TOB2: variants seen among roughly 807,000 people sequenced by gnomAD.
TOB2 encodes protein Tob2.
TOB2 carries 3 observed loss-of-function variants against 17.3 expected under a neutral mutation model. The ratio of observed to expected loss-of-function variants is 0.17; its 90% CI spans 0.08 to 0.45. The LOEUF is 0.45. TOB2 is among the 20% of genes least tolerant of loss of function. The pLI, the probability that TOB2 is intolerant of heterozygous loss-of-function variation, is 0.99. For synonymous variants in TOB2, 163 were observed against 185.6 expected, an observed-to-expected ratio of 0.88 and a Z score of 0.99; for missense variants, 407 against 445.7, an observed-to-expected ratio of 0.91 and a Z score of 0.78.
rs781425124 is a variant in TOB2 at position 41,436,484 on chromosome 22, C to T, written c.862G>A (p.Gly288Ser). 2.5e-6 allele frequency: 4 copies of T among 1,614,004 alleles called. No individual in the cohort carries two copies. In the South Asian group the frequency reaches 4.4e-5, roughly 18 times the overall value. Residue 288 changes from glycine (G) to serine (S), a missense_variant, in exon 2 of 2, where the codon GGC becomes AGC. Gly to Ser is a moderately conservative substitution (Grantham distance 56, BLOSUM62 0). Coordinates refer to ENST00000327492, the MANE Select transcript of TOB2 (RefSeq NM_016272.4). This position sits in a 1 kb window ranked among gnomAD's most constrained non-coding sequence, Gnocchi z 4.8. ...QGSGTPGPFG[G>S]SGAGTCNSSS... is the part of the protein sequence containing the mutation. ...CTGTTGCAGGTGCCAGCCCCACTGCCTCCAAACGGGCCTGGGGTGCCGCTG... is the reference window on the plus strand; with the variant it reads ...CTGTTGCAGGTGCCAGCCCCACTGCTTCCAAACGGGCCTGGGGTGCCGCTG...
intron 1 of TOB2, among the ~76,000 whole-genome samples, chr22:41,442,111 GAAAA>G (rs1399047323): frequency 4.4e-5 from 6 of 135,684 alleles, no homozygotes; most frequent in Admixed American, 2.9e-4. Flanking sequence ...AAAAAAAAAA[GAAAA>G]AAAAGTTGTG....
chr22:41,437,348 T>C lies in TOB2; in HGVS notation c.-3A>G. On this transcript the variant is annotated 5_prime_UTR_variant, in exon 2 of 2. Coordinates refer to ENST00000327492, the MANE Select transcript of TOB2 (RefSeq NM_016272.4). ...GCCACTTTGATCTCTAGCTGCATGG[T>C]CCTTTCCTAGGCAGAGAATCAGCAC... The C allele has an allele frequency of 6.2e-7, 1 of 1,610,312 alleles. No individual in the cohort carries two copies. Among genetic ancestry groups the C allele is most frequent in the Non-Finnish European group, 8.5e-7 (1 of 1,178,366 alleles).
intron 1 of TOB2, among the ~76,000 whole-genome samples, chr22:41,443,110 C>T (rs1294467115): frequency 6.6e-6 from 1 of 152,110 alleles, no homozygotes; most frequent in Non-Finnish European, 1.5e-5. Context: ...AAAGTTAAAC[C>T]TGGATTCTGA....
At position 41,435,263 on chromosome 22, in the gene TOB2, A is replaced by C. The variant is rs5758350; in HGVS notation, c.*1048T>G. ...ACTGCAGATCCTTCCACAGTCTGCAAACCAGTTCCTTCTGCAGTGTTTTCC... is the reference window on the plus strand; with the variant it reads ...ACTGCAGATCCTTCCACAGTCTGCACACCAGTTCCTTCTGCAGTGTTTTCC... On this transcript the variant is annotated 3_prime_UTR_variant, in exon 2 of 2. Coordinates refer to ENST00000327492, the MANE Select transcript of TOB2 (RefSeq NM_016272.4). 0.074 allele frequency: 11,273 copies of C among 152,246 alleles called. 1,270 individuals carry two copies. The highest frequency in any genetic ancestry group is 0.48 in the East Asian group (2,459 of 5,174). 9.4% of individuals were successfully genotyped at this position (152,246 alleles called of 1,614,324 possible).
At position 41,446,677 on chromosome 22, in the gene TOB2, C is replaced by G. The variant is rs2037692645; in HGVS notation, c.-361G>C. ...GCGGATCGGAGGGTGGTTCGTGTCG[C>G]GCAACGGCAGACGGTATGGGCTGTC... On this transcript the variant is annotated 5_prime_UTR_variant, in exon 1 of 2. Coordinates refer to ENST00000327492, the MANE Select transcript of TOB2 (RefSeq NM_016272.4). 1 of 152,466 alleles carries G rather than the reference C, an allele frequency of 6.6e-6. No individual in the cohort carries two copies. The allele number at this position is 152,466 out of a possible 1,614,324, so 9.4% of individuals were successfully genotyped here. A position where few individuals can be genotyped will look rare whatever the true frequency, so the allele number is the denominator to read the frequency against.
chr22:41,443,718 G>C (rs1032731703), intron 1 of TOB2, among the ~76,000 whole-genome samples: 72 of 149,088 alleles, frequency 4.8e-4, no homozygotes, highest in Non-Finnish European at 1.2e-4. Flanking sequence ...CCGCCTCCCA[G>C]GTTCAAGCGA....
Position 41,434,259 on chromosome 22 carries a change from C to T in TOB2, c.*2052G>A, listed in dbSNP as rs1421045504. ...ATGCTCCTGAACACACATTTTTCTT[C>T]GTATTTCAAAAGACACAAAGGGGTT... On this transcript the variant is annotated 3_prime_UTR_variant, in exon 2 of 2. Coordinates refer to ENST00000327492, the MANE Select transcript of TOB2 (RefSeq NM_016272.4). The T allele has an allele frequency of 6.5e-6, 1 of 153,338 alleles. No individual in the cohort carries two copies. The highest frequency in any genetic ancestry group is 2.4e-5 in the African/African-American group (1 of 41,434). 9.5% of individuals were successfully genotyped at this position (153,338 alleles called of 1,614,324 possible).
chr22:41,437,731 C>T lies in TOB2; in HGVS notation c.-62-324G>A, dbSNP rs2037570115. On this transcript the variant is annotated intron_variant, in intron 1 of 1. Transcript: ENST00000327492. ...CTTTGGGAGGCTGAGGCAGGTAGAT[C>T]ACGAGGTCAAGAAATCAAGACCATC... is the stretch of plus-strand genomic sequence containing the variant. 2.0e-5 allele frequency among the ~76,000 whole-genome samples: 3 copies of T among 151,878 alleles called. 1 individual carries two copies. Among genetic ancestry groups the T allele is most frequent in the South Asian group, 4.2e-4 (2 of 4,818 alleles).
intron 1 of TOB2, among the ~76,000 whole-genome samples, chr22:41,446,060 G>C (rs1171163820): frequency 1.3e-5 from 2 of 152,154 alleles, no homozygotes; most frequent in Admixed American, 6.5e-5. Flanking sequence ...AAGATCTAGC[G>C]AGTAGCTAGG....
At chr22:41,438,211 C>CCCTTA (rs2037574999) in intron 1 of TOB2, among the ~76,000 whole-genome samples, 1 of 152,134 alleles carries the variant, frequency 6.6e-6, no homozygotes, top group Admixed American at 6.5e-5. Flanking sequence ...GGATACAGGT[C>CCCTTA]ACTGAACAGG....
chr22:41,436,164 C>T lies in TOB2; in HGVS notation c.*147G>A. 8.8e-7 allele frequency: 1 copy of T among 1,141,902 alleles called. No individual in the cohort carries two copies. Among genetic ancestry groups the T allele is most frequent in the South Asian group, 2.0e-5 (1 of 50,298 alleles). The allele number at this position is 1,141,902 out of a possible 1,614,324, so 70.7% of individuals were successfully genotyped here. A position where few individuals can be genotyped will look rare whatever the true frequency, so the allele number is the denominator to read the frequency against. On this transcript the variant is annotated 3_prime_UTR_variant, in exon 2 of 2. Coordinates refer to ENST00000327492, the MANE Select transcript of TOB2 (RefSeq NM_016272.4). The surrounding 1 kb of genome is among the most constrained non-coding windows in gnomAD (Gnocchi z 4.8). ...GGGTGCTTTGCAGGGCCCTCCCATT[C>T]CGTGCCTGGGCTGGATCTTTTTTCT... is the stretch of plus-strand genomic sequence containing the variant.
intron 1 of TOB2, among the ~76,000 whole-genome samples, chr22:41,438,572 G>C (rs916755170): frequency 3.7e-5 from 5 of 134,208 alleles, no homozygotes; most frequent in Admixed American, 8.2e-5. Flanking sequence ...GGAGGTTGTG[G>C]TGAGCCGAGA....
intron 1 of TOB2, among the ~76,000 whole-genome samples, chr22:41,440,339 G>C (rs1284297796): frequency 1.3e-5 from 2 of 150,576 alleles, no homozygotes; most frequent in South Asian, 4.2e-4. Flanking sequence ...GGATGGTCTC[G>C]AACTGCTGAC....
At chr22:41,438,268 T>A (rs1253576653) in intron 1 of TOB2, among the ~76,000 whole-genome samples, 1 of 152,122 alleles carries the variant, frequency 6.6e-6, no homozygotes, top group Non-Finnish European at 1.5e-5. Flanking sequence ...TCCAGTCACA[T>A]CCATCTGTCA....
At chr22:41,441,314 C>A (rs1270598486) in intron 1 of TOB2, among the ~76,000 whole-genome samples, 42 of 140,966 alleles carry the variant, frequency 3.0e-4, no homozygotes, top group African/African-American at 3.4e-4. Context: ...GACTCTACCT[C>A]AAAAAAAAAA....
chr22:41,441,172 A>G (rs750922216), intron 1 of TOB2, among the ~76,000 whole-genome samples: 1 of 151,872 alleles, frequency 6.6e-6, no homozygotes, highest in Non-Finnish European at 1.5e-5. Context: ...AAAATTATCC[A>G]GGCGTGGTGG....
rs1346449232 is a variant in TOB2 at position 41,442,527 on chromosome 22, T to C, written c.-63+3852A>G. On this transcript the variant is annotated intron_variant, in intron 1 of 1. Coordinates refer to ENST00000327492, the MANE Select transcript of TOB2 (RefSeq NM_016272.4). ...CACACCAATTTATACCTCAGTGATG[T>C]TGCCGCACAAATAAGGAAGCATATA... Among the ~76,000 whole-genome samples the C allele has an allele frequency of 7.2e-5, 11 of 152,238 alleles. 1 individual carries two copies. Among genetic ancestry groups the C allele is most frequent in the Admixed American group, 5.2e-4 (8 of 15,288 alleles).
chr22:41,438,756 G>A (rs1487087811), intron 1 of TOB2, among the ~76,000 whole-genome samples: 2 of 151,554 alleles, frequency 1.3e-5, no homozygotes, highest in Non-Finnish European at 2.9e-5. Flanking sequence ...GCTGACTCGG[G>A]GCTGCCACAG....
At position 41,445,761 on chromosome 22, in the gene TOB2, T is replaced by C. The variant is rs565430605; in HGVS notation, c.-63+618A>G. ...ACTGGCACTGCTCTAAGGGTACTTT[T>C]TTCTGCCCAATTTTCCATTAAAACA... On this transcript the variant is annotated intron_variant, in intron 1 of 1. Coordinates refer to ENST00000327492, the MANE Select transcript of TOB2 (RefSeq NM_016272.4). Among the ~76,000 whole-genome samples the C allele has an allele frequency of 2.0e-5, 3 of 152,274 alleles. No homozygotes were observed. In the East Asian group the frequency reaches 5.8e-4, roughly 29 times the overall value.
Sources: allele counts gnomAD v4.1 joint callset (sites outside exome capture counted in the v4.1 genomes callset), GRCh38; gene constraint gnomAD v4.1.1; non-coding constraint Gnocchi (gnomAD v3.1); transcripts MANE v1.5; gene names NCBI Gene and HGNC (gene_info 2026-07-23, HGNC 2026-07-21).